The following LRRTM3 variants were observed in gnomAD, a reference collection of about 807,000 sequenced individuals.
LRRTM3 encodes leucine rich repeat transmembrane neuronal 3.
LRRTM3 carries 24 observed loss-of-function variants against 44.7 expected under a neutral mutation model. That is an observed-to-expected ratio of 0.54 (90% CI 0.39 to 0.76). The LOEUF is 0.76. Ranked by LOEUF, LRRTM3 falls within the 30% of genes least tolerant of loss-of-function variation. LRRTM3 has a pLI of 0.00. For missense variants in LRRTM3, 587 were observed against 702.2 expected (o/e 0.84, Z 1.85); for synonymous variants, 277 against 278.7 (o/e 0.99, Z 0.06).
At chr10:67,077,905 G>C (rs1856817568) in intron 2 of LRRTM3, among the ~76,000 whole-genome samples, 1 of 152,144 alleles carries the variant, frequency 6.6e-6, no homozygotes, top group Non-Finnish European at 1.5e-5. Flanking sequence ...TAGATTAACA[G>C]AGGAGGAAGG....
At chr10:67,075,170 G>GCACACA (rs57260841) in intron 2 of LRRTM3, among the ~76,000 whole-genome samples, 9,919 of 149,692 alleles carry the variant, frequency 0.066, 354 homozygotes, top group South Asian at 0.17. Flanking sequence ...AAGGATTTCT[G>GCACACA]CACACACACA....
chr10:67,042,998 G>A (rs1176876262), intron 2 of LRRTM3, among the ~76,000 whole-genome samples: 3 of 152,032 alleles, frequency 2.0e-5, no homozygotes, highest in Non-Finnish European at 2.9e-5. Flanking sequence ...ATCAGCAACC[G>A]GTGGAATAGT....
At chr10:66,950,500 C>G (rs755464945) in intron 2 of LRRTM3, among the ~76,000 whole-genome samples, 1 of 151,936 alleles carries the variant, frequency 6.6e-6, no homozygotes, top group Admixed American at 6.6e-5. Flanking sequence ...GTATATTAAA[C>G]AAAAGATCCT....
At chr10:67,089,161 C>T (rs978890981) in intron 2 of LRRTM3, among the ~76,000 whole-genome samples, 1 of 151,942 alleles carries the variant, frequency 6.6e-6, no homozygotes, top group Non-Finnish European at 1.5e-5. Context: ...GCCAATCCCC[C>T]ATGGATACTG....
At chr10:67,095,814 C>T (rs1298985885) in intron 2 of LRRTM3, among the ~76,000 whole-genome samples, 8 of 151,846 alleles carry the variant, frequency 5.3e-5, no homozygotes, top group Non-Finnish European at 8.8e-5. Flanking sequence ...AGTAACAGTT[C>T]TATTTTTGTT....
chr10:67,060,159 A>T (rs927674242), intron 2 of LRRTM3, among the ~76,000 whole-genome samples: 1 of 152,072 alleles, frequency 6.6e-6, no homozygotes, highest in Non-Finnish European at 1.5e-5. Context: ...CCACAAAAAA[A>T]TACATAAAAT....
In LRRTM3 at chr10:66,928,133, C is replaced by T. The variant is rs779338377; in HGVS notation, c.1217C>T (p.Pro406Leu). 4 of 1,613,894 alleles carry T rather than the reference C, an allele frequency of 2.5e-6. No individual in the cohort carries two copies. In the Admixed American group the frequency reaches 5.0e-5, roughly 20 times the overall value. The change falls in exon 2 of 3, where the codon CCA (proline) becomes CTA (leucine). Residue 406 changes from proline to leucine, a missense_variant. Pro to Leu is a moderately conservative substitution (Grantham distance 98, BLOSUM62 -3). Transcript: ENST00000361320. ...PPTVGATEPGPETDADAEHIS... is the reference protein window; with the variant it reads ...PPTVGATEPGLETDADAEHIS... ...ACGGTGGGAGCCACAGAGCCCGGCC[C>T]AGAGACCGATGCTGACGCCGAGCAC...
intron 2 of LRRTM3, among the ~76,000 whole-genome samples, chr10:67,060,894 T>C (rs1855720537): frequency 6.6e-6 from 1 of 152,186 alleles, no homozygotes; most frequent in Non-Finnish European, 1.5e-5. Flanking sequence ...TTTAAATTGT[T>C]TTTGACAGTG....
chr10:67,064,812 TG>T (rs1315543085), intron 2 of LRRTM3, among the ~76,000 whole-genome samples: 1 of 151,180 alleles, frequency 6.6e-6, no homozygotes, highest in African/African-American at 2.4e-5. Context: ...ACATTAGATG[TG>T]GTAACTTCTT....
At chr10:67,093,358 C>T (rs1034175460) in intron 2 of LRRTM3, among the ~76,000 whole-genome samples, 2 of 151,730 alleles carry the variant, frequency 1.3e-5, no homozygotes, top group African/African-American at 4.8e-5. Context: ...CAAAATGGGA[C>T]GATAAGCATA....
At chr10:67,018,445 T>C (rs1440760490) in intron 2 of LRRTM3, among the ~76,000 whole-genome samples, 2 of 152,254 alleles carry the variant, frequency 1.3e-5, no homozygotes, top group Non-Finnish European at 2.9e-5. Context: ...ATTTCTAGTA[T>C]GTTACATGAT....
chr10:66,982,124 C>A (rs984248886), intron 2 of LRRTM3, among the ~76,000 whole-genome samples: 2 of 152,130 alleles, frequency 1.3e-5, no homozygotes, highest in African/African-American at 4.8e-5. Flanking sequence ...CTAGCATAGA[C>A]CAAGATCTTA....
At chr10:66,969,265 C>G (rs1021119865) in intron 2 of LRRTM3, among the ~76,000 whole-genome samples, 3 of 151,998 alleles carry the variant, frequency 2.0e-5, no homozygotes, top group African/African-American at 7.3e-5. Context: ...TGAAATGATA[C>G]TGTATATCAA....
At chr10:67,047,747 A>G (rs535360386) in intron 2 of LRRTM3, among the ~76,000 whole-genome samples, 100 of 152,118 alleles carry the variant, frequency 6.6e-4, no homozygotes, top group Non-Finnish European at 7.4e-5. Context: ...AATTAAATTA[A>G]ATTAAGATTT....
At position 66,989,477 on chromosome 10, in the gene LRRTM3, A is replaced by G. The variant is rs147240413; in HGVS notation, c.1536+61025A>G. Among the ~76,000 whole-genome samples, 9 of 152,294 alleles carry G rather than the reference A, an allele frequency of 5.9e-5. No homozygotes were observed. In the East Asian group the frequency reaches 1.5e-3, roughly 26 times the overall value. ...TTTTATTTCATTGTGGAATAAAATG[A>G]GTGCTGCAGATGCCACACTATGGTT... On this transcript the variant is annotated intron_variant, in intron 2 of 2. Coordinates refer to ENST00000361320, the MANE Select transcript of LRRTM3 (RefSeq NM_178011.5).
At chr10:66,942,441 AGT>A (rs1848046772) in intron 2 of LRRTM3, among the ~76,000 whole-genome samples, 1 of 152,126 alleles carries the variant, frequency 6.6e-6, no homozygotes, top group Non-Finnish European at 1.5e-5. Flanking sequence ...TTCTGTTGTT[AGT>A]ATTGTGTTTC....
At position 66,979,068 on chromosome 10, in the gene LRRTM3, G is replaced by A. The variant is rs35764980; in HGVS notation, c.1536+50616G>A. On this transcript the variant is annotated intron_variant, in intron 2 of 2. Coordinates refer to ENST00000361320, the MANE Select transcript of LRRTM3 (RefSeq NM_178011.5). ...CAACCTCTACCTCCTGGGCTCAAGA[G>A]ATTCTCCTGCCTCAGCCTCCTGAGT... 8.5e-3 allele frequency among the ~76,000 whole-genome samples: 1,248 copies of A among 147,138 alleles called. 18 individuals carry two copies. The highest frequency in any genetic ancestry group is 0.03 in the African/African-American group (1,183 of 40,000).
At chr10:67,054,718 A>G (rs967450354) in intron 2 of LRRTM3, 5 of 152,168 alleles carry the variant, frequency 3.3e-5, no homozygotes, top group African/African-American at 1.2e-4. Context: ...TCTTGTTTCT[A>G]TACAATCGAA....
intron 2 of LRRTM3, among the ~76,000 whole-genome samples, chr10:67,080,418 G>A (rs1371724724): frequency 6.6e-6 from 1 of 152,118 alleles, no homozygotes; most frequent in African/African-American, 2.4e-5. Flanking sequence ...TGATGTTAAT[G>A]AAAAAACTGA....
Sources: gnomAD v4.1 joint callset for allele counts (sites outside exome capture counted in the v4.1 genomes callset) on GRCh38, gnomAD v4.1.1 for gene constraint, MANE v1.5 for transcripts, NCBI Gene and HGNC (gene_info 2026-07-23, HGNC 2026-07-21) for gene names.